The following MTHFD2L variants were observed in gnomAD, a reference collection of about 807,000 sequenced individuals.
MTHFD2L encodes the protein methylenetetrahydrofolate dehydrogenase (NADP+ dependent) 2 like.
MTHFD2L carries 29 observed loss-of-function variants against 34.9 expected under a neutral mutation model. The observed-to-expected ratio is 0.83, with a 90% confidence interval of 0.62 to 1.13. The LOEUF (loss-of-function observed/expected upper bound fraction) is 1.13. MTHFD2L is among the 50% of genes most tolerant of loss of function. The pLI, the probability that MTHFD2L is intolerant of heterozygous loss-of-function variation, is 0.00. For missense variants in MTHFD2L, 481 were observed against 446.5 expected (o/e 1.08, Z -0.70); for synonymous variants, 167 against 155.7 (o/e 1.07, Z -0.54).
At chr4:74,175,482 T>G in intron 3 of MTHFD2L, 79 bp downstream of exon 3, 1 of 1,365,596 alleles carries the variant, frequency 7.3e-7, no homozygotes, top group South Asian at 1.4e-5. Flanking sequence ...ATTATGATAC[T>G]GCAAGTAATT....
chr4:74,215,125 T>G (rs193101333), intron 5 of MTHFD2L, among the ~76,000 whole-genome samples: 1 of 151,902 alleles, frequency 6.6e-6, no homozygotes, highest in African/African-American at 2.4e-5. Flanking sequence ...CTAGTGGGTC[T>G]TAGCTTGCTG....
At chr4:74,119,801 C>A (rs1192530262), upstream of MTHFD2L, among the ~76,000 whole-genome samples, 4 of 151,718 alleles carry the variant, frequency 2.6e-5, no homozygotes, top group Non-Finnish European at 4.4e-5. Context: ...ACAAAAAAAA[C>A]AAAATACCAT....
chr4:74,208,184 A>G (rs1040716318), intron 5 of MTHFD2L, among the ~76,000 whole-genome samples: 1 of 152,196 alleles, frequency 6.6e-6, no homozygotes, highest in Non-Finnish European at 1.5e-5. Context: ...ATTAGACTTT[A>G]CTGAATTACA....
At chr4:74,283,554 G>T (rs1747763605) in intron 7 of MTHFD2L, among the ~76,000 whole-genome samples, 1 of 152,194 alleles carries the variant, frequency 6.6e-6, no homozygotes, top group East Asian at 1.9e-4. Flanking sequence ...AGCTGTCAGT[G>T]ATATCAGTTA....
rs548692861 is a variant in MTHFD2L, at chr4:74,150,782, T to C, written c.-296-9273T>C. On this transcript the variant is annotated intron_variant, in intron 1 of 7. Coordinates refer to the MTHFD2L transcript ENST00000433372. ...GTGTATATGTATACGTGTGTGTGTG[T>C]ATATATATATAAATATATACATGTG... Among the ~76,000 whole-genome samples, 6 of 151,024 alleles carry C rather than the reference T, an allele frequency of 4.0e-5. No homozygotes were observed. The East Asian group carries it at 1.2e-3, about 29-fold the overall frequency.
At chr4:74,287,163 G>A (rs1451865106) in intron 7 of MTHFD2L, among the ~76,000 whole-genome samples, 5 of 152,176 alleles carry the variant, frequency 3.3e-5, no homozygotes, top group East Asian at 1.9e-4. Flanking sequence ...CTCCTCTAGC[G>A]CAACTGACAT....
chr4:74,149,744 CTTG>C (rs1284163741), intron 1 of MTHFD2L, among the ~76,000 whole-genome samples: 1 of 152,140 alleles, frequency 6.6e-6, no homozygotes, highest in African/African-American at 2.4e-5. Context: ...GAATATTCTT[CTTG>C]TTGTTATGCT....
chr4:74,280,841 A>G (rs890329824), intron 6 of MTHFD2L, among the ~76,000 whole-genome samples: 4 of 147,116 alleles, frequency 2.7e-5, no homozygotes, highest in Non-Finnish European at 4.4e-5. Flanking sequence ...AAGAAAAAAT[A>G]AAAAGAAAGC....
intron 7 of MTHFD2L, among the ~76,000 whole-genome samples, chr4:74,281,966 T>C (rs956698145): frequency 6.6e-6 from 1 of 152,126 alleles, no homozygotes; most frequent in Admixed American, 6.6e-5. Context: ...CCTTAGGGTG[T>C]GTCTGCCAAC....
At chr4:74,137,207 G>A (rs907325739) in intron 1 of MTHFD2L, among the ~76,000 whole-genome samples, 1 of 152,012 alleles carries the variant, frequency 6.6e-6, no homozygotes, top group African/African-American at 2.4e-5. Flanking sequence ...ACAATTGCAA[G>A]CTATTTATCT....
At chr4:74,138,182 T>C (rs1723063589) in intron 1 of MTHFD2L, among the ~76,000 whole-genome samples, 1 of 152,140 alleles carries the variant, frequency 6.6e-6, no homozygotes, top group East Asian at 1.9e-4. Flanking sequence ...AATGGTTCCT[T>C]GCTTTGTCTG....
At chr4:74,158,406 A>C (rs937753163) in intron 1 of MTHFD2L, 125 bp downstream of exon 1, 117 of 728,578 alleles carry the variant, frequency 1.6e-4, no homozygotes, top group Non-Finnish European at 1.6e-4. Flanking sequence ...GGCTGGGTCG[A>C]GGACAGCCTT....
At chr4:74,173,865 AAT>A (rs1728503401) in intron 1 of MTHFD2L, among the ~76,000 whole-genome samples, 1 of 152,178 alleles carries the variant, frequency 6.6e-6, no homozygotes, top group South Asian at 2.1e-4. Context: ...ATGTGTATAT[AAT>A]ATATATGTTT....
chr4:74,290,640 C>CTG (rs147970923), intron 7 of MTHFD2L, among the ~76,000 whole-genome samples: 2,015 of 149,292 alleles, frequency 0.013, 11 homozygotes, highest in East Asian at 0.023. Flanking sequence ...TGGTGAAAGA[C>CTG]TGTGTGTGTG....
intron 5 of MTHFD2L, among the ~76,000 whole-genome samples, chr4:74,206,096 C>T (rs1356817566): frequency 1.3e-5 from 2 of 150,096 alleles, no homozygotes; most frequent in African/African-American, 4.9e-5. Context: ...AAGAGCAAGG[C>T]CTGGTAGAAA....
chr4:74,295,521 AC>A (rs1749521326), intron 7 of MTHFD2L, among the ~76,000 whole-genome samples: 1 of 151,912 alleles, frequency 6.6e-6, no homozygotes, highest in African/African-American at 2.4e-5. Flanking sequence ...CTTTCCTTTC[AC>A]CCCAGATATT....
At chr4:74,167,029 A>T (rs1298652577) in intron 1 of MTHFD2L, among the ~76,000 whole-genome samples, 1 of 152,158 alleles carries the variant, frequency 6.6e-6, no homozygotes, top group African/African-American at 2.4e-5. Context: ...GACCTACCCC[A>T]GTGCCAGGAT....
intron 1 of MTHFD2L, among the ~76,000 whole-genome samples, chr4:74,127,768 T>A: frequency 6.6e-6 from 1 of 152,130 alleles, no homozygotes; most frequent in East Asian, 1.9e-4. Context: ...ATATACCCAG[T>A]AGTTAATTGC....
intron 5 of MTHFD2L, among the ~76,000 whole-genome samples, chr4:74,211,044 CT>C (rs1258474008): frequency 6.6e-6 from 1 of 152,194 alleles, no homozygotes; most frequent in Non-Finnish European, 1.5e-5. Flanking sequence ...TGTCCTGAGA[CT>C]TTGCTGAAGT....
Sources: gnomAD v4.1 joint callset for allele counts (sites outside exome capture counted in the v4.1 genomes callset) on GRCh38, gnomAD v4.1.1 for gene constraint, MANE v1.5 for transcripts, NCBI Gene and HGNC (gene_info 2026-07-23, HGNC 2026-07-21) for gene names.